CYFIP1: variants seen among roughly 807,000 people sequenced by gnomAD.
CYFIP1 encodes cytoplasmic FMR1-interacting protein 1.
Under a neutral mutation model 163.5 loss-of-function variants are expected in CYFIP1, and 58 were observed. The observed-to-expected ratio is 0.35, with a 90% CI of 0.29 to 0.44. The LOEUF is 0.44. Ranked by LOEUF, CYFIP1 falls within the 20% of genes least tolerant of loss-of-function variation. The pLI, the probability that CYFIP1 is intolerant of heterozygous loss-of-function variation, is 1.00. For synonymous variants in CYFIP1, 663 were observed against 660.7 expected (o/e 1.00, Z -0.05); for missense variants, 1,338 against 1,653.8 (o/e 0.81, Z 3.31).
At chr15:22,945,439 G>C (rs2062026341) in intron 3 of CYFIP1, among the ~76,000 whole-genome samples, 1 of 152,212 alleles carries the variant, frequency 6.6e-6, no homozygotes, top group South Asian at 2.1e-4. Context: ...AATCTAGGTA[G>C]AGAGTCCATG....
intron 1 of CYFIP1, among the ~76,000 whole-genome samples, chr15:22,962,389 CTTCTTTTTT>C (rs776469790): frequency 7.8e-4 from 113 of 144,978 alleles, no homozygotes; most frequent in Non-Finnish European, 1.0e-3. Context: ...CATCTATATT[CTTCTTTTTT>C]TTCTTTTTTT....
Position 22,939,214 on chromosome 15 carries a change from C to A in CYFIP1, c.773G>T (p.Ser258Ile). 1 of 1,614,210 alleles carries A rather than the reference C, an allele frequency of 6.2e-7. No homozygotes were observed. Among genetic ancestry groups the A allele is most frequent in the Non-Finnish European group, 8.5e-7 (1 of 1,180,044 alleles). Residue 258 changes from serine (S) to isoleucine (I), a missense_variant, in exon 8 of 31, where the codon AGT becomes ATT. Ser to Ile is a moderately radical substitution (Grantham distance 142). This residue lies in a region of CYFIP1 where 824 missense variants were observed against 995.7 expected (regional missense o/e 0.83). Transcript: ENST00000617928. Reference sequence around the variant, plus strand: ...TACTTTGAGAAGCATGTGTTTCTCACTGGGCGTCAAATACATCCTGTTCTC... The same window carrying A: ...TACTTTGAGAAGCATGTGTTTCTCAATGGGCGTCAAATACATCCTGTTCTC... ...YYENRMYLTPSEKHMLLKVMG... is the reference protein window; with the variant it reads ...YYENRMYLTPIEKHMLLKVMG...
At chr15:22,959,324 T>C (rs1372432147) in intron 1 of CYFIP1, among the ~76,000 whole-genome samples, 2 of 152,230 alleles carry the variant, frequency 1.3e-5, no homozygotes, top group Admixed American at 1.3e-4. Flanking sequence ...CGTTTCCCGC[T>C]CCACCTACTC....
chr15:22,934,129 G>T (rs2061625678), intron 9 of CYFIP1, among the ~76,000 whole-genome samples: 3 of 118,806 alleles, frequency 2.5e-5, no homozygotes, highest in African/African-American at 3.3e-5. Context: ...AACCTACCAT[G>T]TTGCTAGATC....
rs1008435735 is a variant in CYFIP1 at position 22,880,815 on chromosome 15, C to G, written c.2912-772G>C. Among the ~76,000 whole-genome samples, 2 of 152,154 alleles carry G rather than the reference C, an allele frequency of 1.3e-5. 1 individual carries two copies. The highest frequency in any genetic ancestry group is 1.3e-4 in the Admixed American group (2 of 15,282). On this transcript the variant is annotated intron_variant, in intron 25 of 30. Transcript: ENST00000617928. ...CTCTGCTCCTCCCAGCTCTCAGCACCGCTGCAGGGACTCAGCCCCACTTGG... is the reference window on the plus strand; with the variant it reads ...CTCTGCTCCTCCCAGCTCTCAGCACGGCTGCAGGGACTCAGCCCCACTTGG...
intron 1 of CYFIP1, among the ~76,000 whole-genome samples, chr15:22,964,557 G>A (rs2062837535): frequency 6.6e-6 from 1 of 152,112 alleles, no homozygotes; most frequent in African/African-American, 2.4e-5. Flanking sequence ...GCTCCCCGGG[G>A]AGTCGGGAAC....
chr15:22,961,492 C>G (rs780560349), intron 1 of CYFIP1, among the ~76,000 whole-genome samples: 1 of 152,174 alleles, frequency 6.6e-6, no homozygotes, highest in Non-Finnish European at 1.5e-5. Context: ...GATCCTCCCA[C>G]CTCAGCCCCC....
chr15:22,926,318 C>A (rs1468217809), intron 12 of CYFIP1, among the ~76,000 whole-genome samples: 1 of 152,254 alleles, frequency 6.6e-6, no homozygotes, highest in Non-Finnish European at 1.5e-5. Context: ...ATCTACCCGG[C>A]AAAATGGCCT....
At chr15:22,976,784 T>C (rs2140286272) in intron 1 of CYFIP1, among the ~76,000 whole-genome samples, 1 of 152,356 alleles carries the variant, frequency 6.6e-6, no homozygotes, top group African/African-American at 2.4e-5. Flanking sequence ...GGTTTCAGGC[T>C]TCCATTGGAA....
chr15:22,942,341 G>A (rs564748461), intron 6 of CYFIP1, among the ~76,000 whole-genome samples: 1 of 152,362 alleles, frequency 6.6e-6, no homozygotes, highest in East Asian at 1.9e-4. Flanking sequence ...TTACTTAGCA[G>A]AGGAAATTGA....
intron 1 of CYFIP1, among the ~76,000 whole-genome samples, chr15:22,953,217 G>A (rs1352234910): frequency 2.0e-5 from 3 of 151,948 alleles, no homozygotes; most frequent in African/African-American, 7.3e-5. Context: ...TCTGGCCTGG[G>A]TGCCACCTAC....
chr15:22,868,078 C>CGCCAA lies in CYFIP1; in HGVS notation c.*1945_*1949dup, dbSNP rs1415241666. 3 of 152,232 alleles carry CGCCAA rather than the reference C, an allele frequency of 2.0e-5. No individual in the cohort carries two copies. The highest frequency in any genetic ancestry group is 4.4e-5 in the Non-Finnish European group (3 of 68,062). 9.4% of individuals were successfully genotyped at this position (152,232 alleles called of 1,614,324 possible). ...TGGAGGTTACCCAGTGGTGCGCCAG[C>CGCCAA]GCCAAGCCATCACTCCCCGAGGGCC... On this transcript the variant is annotated 3_prime_UTR_variant, in exon 31 of 31. Transcript: ENST00000617928.
Position 22,868,686 on chromosome 15 carries a change from C to G in CYFIP1, c.*1342G>C, listed in dbSNP as rs2059324712. On this transcript the variant is annotated 3_prime_UTR_variant, in exon 31 of 31. Transcript: ENST00000617928. ...AACAGGATGGTTCGTACACTTACTA[C>G]TTTTCTGTGCCGTGCATCATATGCT... 6.8e-6 allele frequency: 1 copy of G among 147,946 alleles called. No homozygotes were observed. Among genetic ancestry groups the G allele is most frequent in the Non-Finnish European group, 1.5e-5 (1 of 67,524 alleles). 9.2% of individuals were successfully genotyped at this position (147,946 alleles called of 1,614,324 possible). A position where few individuals can be genotyped will look rare whatever the true frequency, so the allele number is the denominator to read the frequency against.
intron 10 of CYFIP1, among the ~76,000 whole-genome samples, chr15:22,933,311 T>C (rs552585727): frequency 2.6e-5 from 4 of 151,814 alleles, no homozygotes; most frequent in South Asian, 2.1e-4. Context: ...TCAATTGTAT[T>C]TTTCTTTCTT....
rs756109656 is a variant in CYFIP1, at chr15:22,882,876, TGAC to T, written c.2809_2811del (p.Val937del). 6.2e-7 allele frequency: 1 copy of T among 1,613,244 alleles called. No homozygotes were observed. On this transcript the variant is annotated inframe_deletion, in exon 24 of 31. Transcript: ENST00000617928. ...GTCCAGGGAACACTCACCAGGCTCT[TGAC>T]GACCTTCAGCAGCTCCTCCATGACC...
At chr15:22,891,597 G>C (rs1225659313) in intron 23 of CYFIP1, among the ~76,000 whole-genome samples, 1 of 152,208 alleles carries the variant, frequency 6.6e-6, no homozygotes, top group African/African-American at 2.4e-5. Flanking sequence ...GCCGTAAAAA[G>C]GCCGCCCCCG....
At chr15:22,958,666 T>C (rs1382754031) in intron 1 of CYFIP1, among the ~76,000 whole-genome samples, 3 of 151,946 alleles carry the variant, frequency 2.0e-5, no homozygotes, top group Non-Finnish European at 4.4e-5. Context: ...AACATCGCCC[T>C]CCCCCAGGCT....
At chr15:22,902,107 A>T (rs1281835870) in intron 22 of CYFIP1, among the ~76,000 whole-genome samples, 1 of 152,212 alleles carries the variant, frequency 6.6e-6, no homozygotes, top group Admixed American at 6.5e-5. Flanking sequence ...GAAACAGGTG[A>T]CACACATGAA....
chr15:22,980,168 TTGGGGGGGAGGGGGGGGTCCGTCCC>T (rs2063432850), intron 1 of CYFIP1, 94 bp downstream of exon 1: 2 of 4,432 alleles, frequency 4.5e-4, no homozygotes, highest in African/African-American at 1.0e-3. Flanking sequence ...GCCGCCGGGG[TTGGGGGGGAGGGGGGGGTCCGTCCC>T]GGCCCCGCCG....
Sources: gnomAD v4.1 joint callset for allele counts (sites outside exome capture counted in the v4.1 genomes callset) on GRCh38, gnomAD v4.1.1 for gene constraint, gnomAD v4.1.1 regional missense constraint, MANE v1.5 for transcripts, NCBI Gene and HGNC (gene_info 2026-07-23, HGNC 2026-07-21) for gene names.